The following PGM1 variants were observed in gnomAD, a reference collection of about 807,000 sequenced individuals.
PGM1 encodes phosphoglucomutase-1.
Under a neutral mutation model 55.6 loss-of-function variants are expected in PGM1, and 52 were observed. That is an observed-to-expected ratio of 0.94 (90% CI 0.75 to 1.18). PGM1 has a LOEUF of 1.18. Ranked by LOEUF, PGM1 falls within the 50% of genes most tolerant of loss-of-function variation. PGM1 has a pLI of 0.00. For missense variants in PGM1, 724 were observed against 729.3 expected (o/e 0.99, Z 0.08); for synonymous variants, 287 against 271.7 (o/e 1.06, Z -0.55).
chr1:63,622,142 A>G (rs11208253), intron 1 of PGM1, among the ~76,000 whole-genome samples: 25,401 of 152,032 alleles, frequency 0.17, 2,298 homozygotes, highest in East Asian at 0.32. Context: ...CTCCTGCCTC[A>G]GCCTCCCAAG....
intron 7 of PGM1, among the ~76,000 whole-genome samples, chr1:63,640,635 A>G (rs536151574): frequency 2.0e-5 from 3 of 152,322 alleles, no homozygotes; most frequent in South Asian, 4.1e-4. Context: ...TCAGAGCCCC[A>G]GAGCCAAGTA....
At chr1:63,615,797 T>G (rs1453939016) in intron 1 of PGM1, among the ~76,000 whole-genome samples, 2 of 151,836 alleles carry the variant, frequency 1.3e-5, no homozygotes, top group African/African-American at 4.8e-5. Context: ...TCAGGAGTTC[T>G]CTCCTCTTCT....
intron 1 of PGM1, among the ~76,000 whole-genome samples, chr1:63,610,961 A>G (rs1255673842): frequency 2.0e-5 from 3 of 152,126 alleles, no homozygotes; most frequent in African/African-American, 7.2e-5. Context: ...GTTTTAGGAT[A>G]GTGGTTCTGG....
intron 7 of PGM1, among the ~76,000 whole-genome samples, chr1:63,642,617 TA>T (rs568823380): frequency 4.6e-5 from 7 of 152,024 alleles, no homozygotes; most frequent in Non-Finnish European, 7.4e-5. Context: ...CTCAGGAAAA[TA>T]GGGGGCTTGG....
chr1:63,594,616 A>T (rs868249306), intron 1 of PGM1, among the ~76,000 whole-genome samples: 30 of 119,846 alleles, frequency 2.5e-4, no homozygotes, highest in African/African-American at 6.6e-4. Flanking sequence ...AGGGGAAATT[A>T]AAAAAAAAAA....
intron 1 of PGM1, among the ~76,000 whole-genome samples, chr1:63,601,971 A>T (rs1352756691): frequency 6.6e-6 from 1 of 152,224 alleles, no homozygotes; most frequent in African/African-American, 2.4e-5. Context: ...TATTGGAAAG[A>T]TGTTCTTTTT....
At chr1:63,647,256 TTACATATATATATATATATATA>T (rs60470463) in intron 7 of PGM1, among the ~76,000 whole-genome samples, 1,810 of 51,598 alleles carry the variant, frequency 0.035, 90 homozygotes, top group African/African-American at 0.061. Context: ...AAATAAAATT[TTACATATATATATATATATATA>T]TATATATATA....
rs779192776 is a variant in PGM1, at chr1:63,593,646, A to G, written c.158A>G (p.Gln53Arg). 59 of 1,610,912 alleles carry G rather than the reference A, an allele frequency of 3.7e-5. No individual in the cohort carries two copies. The highest frequency in any genetic ancestry group is 4.5e-5 in the East Asian group (2 of 44,802). The change falls in exon 1 of 11, where the codon CAG becomes CGG. Residue 53 changes from glutamine to arginine, a missense_variant. Gln to Arg is a conservative substitution (Grantham distance 43). Around this residue, in one of 3 missense-constraint regions of PGM1, gnomAD observed 379 missense variants for 357.5 expected, o/e 1.06. Transcript: ENST00000371084. ...IISTVEPAQRQEATLVVGGDG... is the reference protein window; with the variant it reads ...IISTVEPAQRREATLVVGGDG... ...TCCACCGTGGAGCCGGCGCAGCGGC[A>G]GGAGGCCACGCTGGTGGTGGGCGGG...
chr1:63,651,619 G>T (rs562024837), intron 8 of PGM1, 50 bp from the exon 9 acceptor site: 3 of 1,526,912 alleles, frequency 2.0e-6, no homozygotes, highest in African/African-American at 1.4e-5. Context: ...GATAGGCCTT[G>T]GTGTGATCTG....
chr1:63,649,559 A>G (rs1649751063), intron 8 of PGM1, among the ~76,000 whole-genome samples: 1 of 152,260 alleles, frequency 6.6e-6, no homozygotes, highest in African/African-American at 2.4e-5. Flanking sequence ...TGCCTGTTCT[A>G]TAAAATGGGT....
intron 9 of PGM1, among the ~76,000 whole-genome samples, chr1:63,654,021 G>A (rs1402948946): frequency 6.6e-6 from 1 of 152,156 alleles, no homozygotes; most frequent in East Asian, 1.9e-4. Flanking sequence ...CTTCAAACTG[G>A]AATGGTTAGT....
Position 63,659,436 on chromosome 1 carries a change from T to C in PGM1, c.1600-150T>C, listed in dbSNP as rs994107728. ...AAATAGAAACTGCTGGAACTAGGTA[T>C]TGGGGGAAATAACATGTGTTTGTTT... On this transcript the variant is annotated intron_variant, in intron 10 of 10. Coordinates refer to ENST00000371084, the MANE Select transcript of PGM1 (RefSeq NM_002633.3). The C allele has an allele frequency of 3.1e-5, 22 of 709,264 alleles. 1 individual carries two copies. The highest frequency in any genetic ancestry group is 1.2e-4 in the Admixed American group (6 of 49,900). The allele number at this position is 709,264 out of a possible 1,614,324, so 43.9% of individuals were successfully genotyped here. A position where few individuals can be genotyped will look rare whatever the true frequency, so the allele number is the denominator to read the frequency against.
Position 63,630,091 on chromosome 1 carries a change from A to G in PGM1, c.556+3A>G, listed in dbSNP as rs755342874. 4 of 1,613,872 alleles carry G rather than the reference A, an allele frequency of 2.5e-6. No individual in the cohort carries two copies. The Admixed American group carries it at 5.0e-5, about 20-fold the overall frequency. On this transcript the variant is annotated splice_donor_region_variant and intron_variant, in intron 3 of 10. Transcript: ENST00000371084. ...AAATAAGTTCAAACCCTTCACAGGCATGTTTACTTTCCTCCTCTTTCTGCC... is the reference window on the plus strand; with the variant it reads ...AAATAAGTTCAAACCCTTCACAGGCGTGTTTACTTTCCTCCTCTTTCTGCC...
Position 63,631,723 on chromosome 1 carries a change from TGAAA to T in PGM1, c.627_630del (p.Lys209AsnfsTer9), listed in dbSNP as rs746278643. On this transcript the variant is annotated frameshift_variant, in exon 4 of 11. Transcript: ENST00000371084. LOFTEE classifies it high-confidence loss of function. ...AGAAGCATCTTTGATTTCAGTGCAC[TGAAA>T]GAACTACTTTCTGGGCCAAACCGAC... 14 of 1,612,540 alleles carry T rather than the reference TGAAA, an allele frequency of 8.7e-6. No individual in the cohort carries two copies. Among genetic ancestry groups the T allele is most frequent in the Non-Finnish European group, 1.1e-5 (13 of 1,178,586 alleles).
intron 10 of PGM1, among the ~76,000 whole-genome samples, chr1:63,657,735 C>T (rs1293487639): frequency 1.3e-5 from 2 of 152,168 alleles, no homozygotes; most frequent in African/African-American, 4.8e-5. Context: ...GCTTTTATTA[C>T]AGAAAGTGGG....
chr1:63,598,108 T>C (rs181228276), intron 1 of PGM1, among the ~76,000 whole-genome samples: 4 of 152,174 alleles, frequency 2.6e-5, no homozygotes, highest in Middle Eastern at 3.4e-3. Flanking sequence ...GTAGCTGGGG[T>C]CTACAGGTGC....
chr1:63,650,396 C>G (rs1649775920), intron 8 of PGM1, among the ~76,000 whole-genome samples: 1 of 152,194 alleles, frequency 6.6e-6, no homozygotes, highest in African/African-American at 2.4e-5. Flanking sequence ...AAACATTTCT[C>G]TGGAGTACCC....
chr1:63,634,094 T>G (rs923322166), intron 4 of PGM1, among the ~76,000 whole-genome samples: 5 of 151,454 alleles, frequency 3.3e-5, no homozygotes, highest in African/African-American at 1.2e-4. Flanking sequence ...TTTGTGTTTT[T>G]TTAATCAGTT....
intron 3 of PGM1, among the ~76,000 whole-genome samples, chr1:63,630,757 T>C (rs1264763334): frequency 1.3e-5 from 2 of 152,216 alleles, no homozygotes; most frequent in Admixed American, 6.5e-5. Context: ...ATTAATAAAA[T>C]GAGGATGAGA....
Sources: allele counts gnomAD v4.1 joint callset (sites outside exome capture counted in the v4.1 genomes callset), GRCh38; gene constraint gnomAD v4.1.1; regional missense constraint gnomAD v4.1.1; transcripts MANE v1.5; gene names NCBI Gene and HGNC (gene_info 2026-07-23, HGNC 2026-07-21).